The following SHROOM3 variants were observed in gnomAD, a reference collection of about 807,000 sequenced individuals.
The protein encoded by SHROOM3 is protein Shroom3.
SHROOM3 carries 47 observed loss-of-function variants against 138.6 expected under a neutral mutation model. The observed-to-expected ratio is 0.34, with a 90% confidence interval of 0.27 to 0.43. The LOEUF (loss-of-function observed/expected upper bound fraction) is 0.43. Ranked by LOEUF, SHROOM3 falls within the 20% of genes least tolerant of loss-of-function variation. The probability of loss-of-function intolerance (pLI) is 1.00; values close to 1 mark genes in which losing one functional copy is unlikely to be tolerated. For synonymous variants in SHROOM3, 1,062 were observed against 1,063.3 expected (o/e 1.00, Z 0.02); for missense variants, 2,491 against 2,596.5 (o/e 0.96, Z 0.88).
chr4:76,466,183 C>T (rs1395180416), intron 1 of SHROOM3, among the ~76,000 whole-genome samples: 3 of 152,122 alleles, frequency 2.0e-5, no homozygotes, highest in Non-Finnish European at 4.4e-5. Context: ...TTTCAAGAAT[C>T]AGCTAAAATT....
chr4:76,618,026 G>A (rs1243762778), intron 2 of SHROOM3, among the ~76,000 whole-genome samples: 5 of 152,228 alleles, frequency 3.3e-5, no homozygotes, highest in Admixed American at 1.3e-4. Flanking sequence ...GTGGCTGGGC[G>A]CAGTGGCTCA....
At chr4:76,689,384 G>GAGCCAGCGCCGAGCCAGCGCCGAGCCAGC (rs1553937027) in intron 2 of SHROOM3, among the ~76,000 whole-genome samples, 6 of 125,460 alleles carry the variant, frequency 4.8e-5, no homozygotes, top group Admixed American at 1.7e-4. Flanking sequence ...GAGCCAGCGC[G>GAGCCAGCGCCGAGCCAGCGCCGAGCCAGC]GCCCCTCGGG....
intron 2 of SHROOM3, 114 bp from the exon 3 acceptor site, chr4:76,710,042 T>C (rs1369870107): frequency 7.0e-7 from 1 of 1,424,340 alleles, no homozygotes. Flanking sequence ...GCTGTGCTGC[T>C]TTGCTCTGGC....
chr4:76,652,262 T>C (rs1735977984), intron 2 of SHROOM3, among the ~76,000 whole-genome samples: 1 of 152,074 alleles, frequency 6.6e-6, no homozygotes, highest in Admixed American at 6.5e-5. Flanking sequence ...GTAAAAGACA[T>C]CTGGACTGAT....
chr4:76,549,222 G>C (rs1579229282), intron 1 of SHROOM3, among the ~76,000 whole-genome samples: 1 of 152,114 alleles, frequency 6.6e-6, no homozygotes, highest in Non-Finnish European at 1.5e-5. Flanking sequence ...TATGCATTTA[G>C]TTAGCCTCAG....
intron 1 of SHROOM3, among the ~76,000 whole-genome samples, chr4:76,539,112 A>G (rs1046584685): frequency 6.6e-6 from 1 of 152,160 alleles, no homozygotes; most frequent in Non-Finnish European, 1.5e-5. Context: ...GGGAAACTTA[A>G]TATTGCTGAG....
chr4:76,618,601 C>T (rs777876436), intron 2 of SHROOM3, among the ~76,000 whole-genome samples: 20 of 152,184 alleles, frequency 1.3e-4, no homozygotes, highest in Non-Finnish European at 2.6e-4. Flanking sequence ...ATCACATAGC[C>T]TATGTACTAT....
intron 2 of SHROOM3, among the ~76,000 whole-genome samples, chr4:76,642,112 G>A (rs1735687471): frequency 6.6e-6 from 1 of 152,136 alleles, no homozygotes; most frequent in African/African-American, 2.4e-5. Context: ...GGCCCCTATT[G>A]TGTCTTATAT....
At position 76,685,387 on chromosome 4, in the gene SHROOM3, C is replaced by CA. The variant is rs34181315; in HGVS notation, c.324-24759dup. Among the ~76,000 whole-genome samples the CA allele has an allele frequency of 4.3e-3, 646 of 149,444 alleles. 4 individuals are homozygous for CA. Among genetic ancestry groups the CA allele is most frequent in the African/African-American group, 0.014 (560 of 40,620 alleles). On this transcript the variant is annotated intron_variant, in intron 2 of 10. Transcript: ENST00000296043. ...TGAGCTAAAAAACAAAAAAAAATCA[C>CA]AAAAAAAAAATCCCATAATGTTTTA...
At chr4:76,581,116 C>G (rs1173084377) in intron 2 of SHROOM3, among the ~76,000 whole-genome samples, 1 of 151,854 alleles carries the variant, frequency 6.6e-6, no homozygotes, top group African/African-American at 2.4e-5. Context: ...AAATTGTGAA[C>G]CCAAATGTAA....
At chr4:76,669,272 C>G (rs897480804) in intron 2 of SHROOM3, among the ~76,000 whole-genome samples, 2 of 152,052 alleles carry the variant, frequency 1.3e-5, no homozygotes, top group African/African-American at 2.4e-5. Context: ...GTAGCTGTTA[C>G]GTGTAGGGGA....
At chr4:76,507,598 G>A (rs1459889286) in intron 1 of SHROOM3, among the ~76,000 whole-genome samples, 9 of 150,082 alleles carry the variant, frequency 6.0e-5, no homozygotes, top group East Asian at 3.9e-4. Context: ...GTGCAGTGGC[G>A]TGATCTCGGC....
At chr4:76,571,444 T>C (rs1195060284) in intron 2 of SHROOM3, among the ~76,000 whole-genome samples, 3 of 152,210 alleles carry the variant, frequency 2.0e-5, no homozygotes, top group Non-Finnish European at 2.9e-5. Context: ...GGCCCTTTTG[T>C]TTTCCCAGCA....
At chr4:76,732,206 A>C (rs1720908495) in intron 4 of SHROOM3, among the ~76,000 whole-genome samples, 1 of 152,206 alleles carries the variant, frequency 6.6e-6, no homozygotes, top group South Asian at 2.1e-4. Context: ...CAGGAAAATA[A>C]GGGTCACTTA....
intron 2 of SHROOM3, among the ~76,000 whole-genome samples, chr4:76,599,130 T>C (rs1734450485): frequency 6.6e-6 from 1 of 152,060 alleles, no homozygotes; most frequent in African/African-American, 2.4e-5. Flanking sequence ...TGGGAGATTA[T>C]CACATCCCCG....
chr4:76,444,809 C>T (rs1730772526), intron 1 of SHROOM3, among the ~76,000 whole-genome samples: 1 of 151,926 alleles, frequency 6.6e-6, no homozygotes, highest in South Asian at 2.1e-4. Context: ...TCTCATCTTT[C>T]AAAGGCACCA....
At position 76,435,606 on chromosome 4, in the gene SHROOM3, A is replaced by C. The variant is rs963776525; in HGVS notation, c.-447A>C. ...CGAGAGGAAGAAAGGGTTGATAATC[A>C]ATCAAAAATGAGGTATTCCTTTGAG... On this transcript the variant is annotated 5_prime_UTR_variant, in exon 1 of 11. Transcript: ENST00000296043. The C allele has an allele frequency of 6.5e-6, 1 of 152,716 alleles. No homozygotes were observed. Among genetic ancestry groups the C allele is most frequent in the Non-Finnish European group, 1.5e-5 (1 of 68,426 alleles). The allele number at this position is 152,716 out of a possible 1,614,324, so 9.5% of individuals were successfully genotyped here.
At position 76,756,584 on chromosome 4, in the gene SHROOM3, C is replaced by T. The variant is rs892193309; in HGVS notation, c.4845C>T (p.Pro1615=). 2 of 1,613,600 alleles carry T rather than the reference C, an allele frequency of 1.2e-6. No individual in the cohort carries two copies. Among genetic ancestry groups the T allele is most frequent in the East Asian group, 4.5e-5 (2 of 44,810 alleles). Residue 1615 remains proline, a synonymous_variant, in exon 8 of 11, where the codon CCC becomes CCT. Transcript: ENST00000296043. ...GTTCAGAGGCTGAGTCCACACCACC[C>T]TCCTTCATGAGCGTTCACGCCCAAC... ...IKGSEAESTP[P]SFMSVHAQLA...
rs566933508 is a variant in SHROOM3, at chr4:76,504,773, C to T, written c.169-50836C>T. On this transcript the variant is annotated intron_variant, in intron 1 of 10. Coordinates refer to ENST00000296043, the MANE Select transcript of SHROOM3 (RefSeq NM_020859.4). ...GAAATAGCATCTACATAGAACATCA[C>T]TGCATGGTGGAGCGGCAGATAAGCT... 2.0e-5 allele frequency among the ~76,000 whole-genome samples: 3 copies of T among 152,310 alleles called. No homozygotes were observed. The East Asian group carries it at 5.8e-4, about 29-fold the overall frequency.
Sources: gnomAD v4.1 joint callset for allele counts (sites outside exome capture counted in the v4.1 genomes callset) on GRCh38, gnomAD v4.1.1 for gene constraint, MANE v1.5 for transcripts, NCBI Gene and HGNC (gene_info 2026-07-23, HGNC 2026-07-21) for gene names.